Variants in JAG2 observed in about 807,000 individuals in gnomAD.
The protein encoded by JAG2 is jagged canonical Notch ligand 2.
JAG2 carries 46 observed loss-of-function variants against 141.7 expected under a neutral mutation model. The observed-to-expected ratio is 0.32, with a 90% confidence interval of 0.26 to 0.42. The LOEUF (loss-of-function observed/expected upper bound fraction) is 0.42. Among genes scored for constraint, JAG2 ranks in the 10% least tolerant of loss-of-function variants. The probability of loss-of-function intolerance (pLI) is 1.00; values close to 1 mark genes in which losing one functional copy is unlikely to be tolerated. For missense variants in JAG2, 1,500 were observed against 1,817.5 expected, an observed-to-expected ratio of 0.83 and a Z score of 3.18; for synonymous variants, 862 against 763.5, an observed-to-expected ratio of 1.13 and a Z score of -2.13.
At chr14:105,149,368 G>A (rs373693762) in intron 12 of JAG2, 48 bp from the exon 13 acceptor site, 81 of 1,609,332 alleles carry the variant, frequency 5.0e-5, no homozygotes, top group African/African-American at 6.7e-5. Flanking sequence ...GGCCCAGGCC[G>A]GGAACACAGG....
intron 15 of JAG2, 78 bp downstream of exon 15, chr14:105,148,667 C>G (rs1888308032): frequency 1.6e-6 from 2 of 1,289,484 alleles, no homozygotes; most frequent in African/African-American, 2.9e-5. Flanking sequence ...CGCACCCAGA[C>G]AGCGGTCCAT....
Position 105,168,390 on chromosome 14 carries a change from G to A in JAG2, c.31C>T (p.Arg11Trp). 2 of 1,023,404 alleles carry A rather than the reference G, an allele frequency of 2.0e-6. No individual in the cohort carries two copies. Among genetic ancestry groups the A allele is most frequent in the Non-Finnish European group, 2.4e-6 (2 of 834,688 alleles). The allele number at this position is 1,023,404 out of a possible 1,614,324, so 63.4% of individuals were successfully genotyped here. A position where few individuals can be genotyped will look rare whatever the true frequency, so the allele number is the denominator to read the frequency against. MRAQGRGRLPRRLLLLLALWV... is the reference protein window; with the variant it reads MRAQGRGRLPWRLLLLLALWV... ...AGCGCCAGCAGCAGCAGCAGCCGCC[G>A]GGGAAGGCGCCCCCGGCCCTGCGCC... is the stretch of plus-strand genomic sequence containing the variant. Residue 11 changes from arginine (R) to tryptophan (W), a missense_variant, in exon 1 of 26, where the codon CGG becomes TGG. Coordinates refer to ENST00000331782, the MANE Select transcript of JAG2 (RefSeq NM_002226.5).
At position 105,147,761 on chromosome 14, in the gene JAG2, C is replaced by T; in HGVS notation, c.2365+11G>A. On this transcript the variant is annotated intron_variant, in intron 18 of 25. Coordinates refer to ENST00000331782, the MANE Select transcript of JAG2 (RefSeq NM_002226.5). ...GAAAGCGGCCCCCGCCCACACCCCT[C>T]CCACACTCACTGTGAGTGCAAGTAC... 6.6e-7 allele frequency: 1 copy of T among 1,524,762 alleles called. No homozygotes were observed. Among genetic ancestry groups the T allele is most frequent in the South Asian group, 1.2e-5 (1 of 83,506 alleles). 94.5% of individuals were successfully genotyped at this position (1,524,762 alleles called of 1,614,324 possible). A position where few individuals can be genotyped will look rare whatever the true frequency, so the allele number is the denominator to read the frequency against.
Position 105,142,785 on chromosome 14 carries a change from C to A in JAG2, c.3627G>T (p.Pro1209=). The A allele has an allele frequency of 6.2e-7, 1 of 1,610,842 alleles. No homozygotes were observed. The highest frequency in any genetic ancestry group is 8.5e-7 in the Non-Finnish European group (1 of 1,179,040). The change falls in exon 26 of 26, where the codon CCG becomes CCT. Residue 1209 remains proline (P), a synonymous_variant. Coordinates refer to ENST00000331782, the MANE Select transcript of JAG2 (RefSeq NM_002226.5). ...CTGAGGCCCAGTGGGCCGGCCTCCC[C>A]GGCGAGCGGCCAGGATCTTTGGTGA... ...HKFTKDPGRS[P]GRPAHWASGP... is the part of the protein sequence containing the mutation.
In JAG2 at chr14:105,145,828, T is replaced by C; in HGVS notation, c.2855A>G (p.Glu952Gly). The C allele has an allele frequency of 6.4e-7, 1 of 1,563,640 alleles. No individual in the cohort carries two copies. Among genetic ancestry groups the C allele is most frequent in the Non-Finnish European group, 8.7e-7 (1 of 1,154,848 alleles). ...PCEAWGECGAEEPPSTPCLPR... is the reference protein window; with the variant it reads ...PCEAWGECGAGEPPSTPCLPR... The stretch of plus-strand genomic sequence containing the variant: ...CAGGCAGGGGGTGCTCGGTGGCTCT[T>C]CTGCGCCGCACTCCCCCCAGGCCTC... The change falls in exon 23 of 26, where the codon GAA becomes GGA. Residue 952 changes from glutamate (E) to glycine (G), a missense_variant. This residue lies in a region of JAG2 where 425 missense variants were observed against 441.0 expected (regional missense o/e 0.96). Coordinates refer to ENST00000331782, the MANE Select transcript of JAG2 (RefSeq NM_002226.5).
In JAG2 at chr14:105,146,424, G is replaced by A. The variant is rs770798773; in HGVS notation, c.2670C>T (p.Asn890=). ...PHGSSWVEDC[N]SCRCLDGRRD... Reference sequence around the variant, plus strand: ...GGCGGCCATCCAGGCAGCGGCAGCTGTTGCAGTCTTCCACCCAGGAGCTTC... The same window carrying A: ...GGCGGCCATCCAGGCAGCGGCAGCTATTGCAGTCTTCCACCCAGGAGCTTC... The change falls in exon 22 of 26, where the codon AAC becomes AAT. Residue 890 remains asparagine, a synonymous_variant. Coordinates refer to ENST00000331782, the MANE Select transcript of JAG2 (RefSeq NM_002226.5). 16 of 1,612,614 alleles carry A rather than the reference G, an allele frequency of 9.9e-6. 1 individual carries two copies. The South Asian group carries it at 1.8e-4, about 18-fold the overall frequency.
intron 8 of JAG2, 93 bp from the exon 9 acceptor site, chr14:105,151,489 T>C (rs1888430646): frequency 7.2e-7 from 1 of 1,389,642 alleles, no homozygotes; most frequent in African/African-American, 1.4e-5. Flanking sequence ...TGGGTCTTCC[T>C]GCCATTTGTC....
intron 9 of JAG2, 70 bp downstream of exon 9, chr14:105,151,213 C>CGCGGCCCCA: frequency 7.3e-7 from 1 of 1,372,522 alleles, no homozygotes; most frequent in Non-Finnish European, 1.0e-6. Context: ...CAGCAGCCCC[C>CGCGGCCCCA]GCAGCCCCAG....
Position 105,146,591 on chromosome 14 carries a change from G to A in JAG2, c.2593+20C>T. ...TGCCCCCCAACCCGCCCCAACCCAG[G>A]GCAATCACACGGGGCCTACCTTCCT... On this transcript the variant is annotated intron_variant, in intron 21 of 25. Transcript: ENST00000331782. 1.2e-6 allele frequency: 2 copies of A among 1,610,180 alleles called. No individual in the cohort carries two copies. Among genetic ancestry groups the A allele is most frequent in the Non-Finnish European group, 1.7e-6 (2 of 1,177,664 alleles).
intron 2 of JAG2, among the ~76,000 whole-genome samples, chr14:105,163,541 A>G (rs1170533027): frequency 6.6e-6 from 1 of 151,266 alleles, no homozygotes; most frequent in Non-Finnish European, 1.5e-5. Context: ...TGGGGATAGG[A>G]ATCCCGCTCA....
At chr14:105,148,289 G>A in intron 16 of JAG2, 37 bp downstream of exon 16, 1 of 1,592,192 alleles carries the variant, frequency 6.3e-7, no homozygotes, top group Non-Finnish European at 8.6e-7. Flanking sequence ...AGGGTCCTGG[G>A]GGCAGCCCCA....
In JAG2 at chr14:105,146,252, C is replaced by T. The variant is rs587721063; in HGVS notation, c.2709+133G>A. On this transcript the variant is annotated intron_variant, in intron 22 of 25. Transcript: ENST00000331782. The stretch of plus-strand genomic sequence containing the variant: ...TGGGGCCTGGCTGAGCTCTCGCCTC[C>T]CTGGGTGTCCCTGAGGGCAGACGGC... 274 of 863,830 alleles carry T rather than the reference C, an allele frequency of 3.2e-4. 6 individuals carry two copies. The highest frequency in any genetic ancestry group is 2.7e-3 in the South Asian group (180 of 66,750). 53.5% of individuals were successfully genotyped at this position (863,830 alleles called of 1,614,324 possible).
In JAG2 at chr14:105,168,342, C is replaced by T; in HGVS notation, c.66+13G>A. On this transcript the variant is annotated intron_variant, in intron 1 of 25. Coordinates refer to ENST00000331782, the MANE Select transcript of JAG2 (RefSeq NM_002226.5). The stretch of plus-strand genomic sequence containing the variant: ...CCGTCCGCGACCCCCGCCGCCCCCG[C>T]CGCCCCGCTCACCTGCACCCAGAGC... 2.2e-6 allele frequency: 2 copies of T among 908,686 alleles called. No homozygotes were observed. The highest frequency in any genetic ancestry group is 3.1e-5 in the South Asian group (1 of 32,218). 56.3% of individuals were successfully genotyped at this position (908,686 alleles called of 1,614,324 possible).
chr14:105,155,606 C>T lies in JAG2; in HGVS notation c.744G>A (p.Gly248=), dbSNP rs901123562. 24 of 1,612,756 alleles carry T rather than the reference C, an allele frequency of 1.5e-5. No individual in the cohort carries two copies. Among genetic ancestry groups the T allele is most frequent in the Non-Finnish European group, 1.9e-5 (22 of 1,179,986 alleles). ...KECKEAVCKQ[G]CNLLHGGCTV... ...TGCATCCCCCGTGGAGCAAATTACA[C>T]CCTTGTTTACACACAGCTGCGAACA... The change falls in exon 5 of 26, where the codon GGG becomes GGA. Residue 248 remains glycine, a synonymous_variant. Coordinates refer to ENST00000331782, the MANE Select transcript of JAG2 (RefSeq NM_002226.5).
At chr14:105,161,046 T>G (rs1409645740) in intron 2 of JAG2, among the ~76,000 whole-genome samples, 1 of 152,106 alleles carries the variant, frequency 6.6e-6, no homozygotes, top group African/African-American at 2.4e-5. Flanking sequence ...ACGGACTTCC[T>G]TCCTGAGGCT....
intron 8 of JAG2, 66 bp downstream of exon 8, chr14:105,151,560 G>C: frequency 7.1e-7 from 1 of 1,410,574 alleles, no homozygotes; most frequent in Non-Finnish European, 9.8e-7. Context: ...TCCCCAGCGA[G>C]TTGCCCCACT....
At position 105,147,441 on chromosome 14, in the gene JAG2, C is replaced by T. The variant is rs374084449; in HGVS notation, c.2394-30G>A. On this transcript the variant is annotated intron_variant, in intron 19 of 25. Coordinates refer to ENST00000331782, the MANE Select transcript of JAG2 (RefSeq NM_002226.5). ...AGAGCAGAGGGTGGGCATCAGGTGG[C>T]CCCCCGTGGTATGCCAAGTCCCACC... 13 of 1,608,948 alleles carry T rather than the reference C, an allele frequency of 8.1e-6. No individual in the cohort carries two copies. In the East Asian group the frequency reaches 1.3e-4, roughly 17 times the overall value.
chr14:105,151,147 C>T (rs772890533), intron 9 of JAG2, 43 bp from the exon 10 acceptor site: 3 of 1,559,930 alleles, frequency 1.9e-6, no homozygotes, highest in Non-Finnish European at 8.7e-7. Context: ...TCGGGCCCTG[C>T]CTGCCCCCTG....
rs368418938 is a variant in JAG2, at chr14:105,148,048, G to A, written c.2248+68C>T. 858 of 1,332,732 alleles carry A rather than the reference G, an allele frequency of 6.4e-4. 10 individuals are homozygous for A. The South Asian group carries it at 1.0e-2, about 16-fold the overall frequency. 82.6% of individuals were successfully genotyped at this position (1,332,732 alleles called of 1,614,324 possible). A position where few individuals can be genotyped will look rare whatever the true frequency, so the allele number is the denominator to read the frequency against. ...CTCAAAAAAGACCCCTCGGCCCATC[G>A]CGCCCGAGGGAGCGGTGCCTGGGAG... On this transcript the variant is annotated intron_variant, in intron 17 of 25. Coordinates refer to ENST00000331782, the MANE Select transcript of JAG2 (RefSeq NM_002226.5).
Sources: allele counts gnomAD v4.1 joint callset (sites outside exome capture counted in the v4.1 genomes callset), GRCh38; gene constraint gnomAD v4.1.1; regional missense constraint gnomAD v4.1.1; transcripts MANE v1.5; gene names NCBI Gene and HGNC (gene_info 2026-07-23, HGNC 2026-07-21).